Variants in GALNTL6 observed in about 807,000 individuals in gnomAD.
The protein encoded by GALNTL6 is polypeptide N-acetylgalactosaminyltransferase like 6.
A neutral mutation model predicts 73.7 loss-of-function variants in GALNTL6; 46 were observed. The observed-to-expected ratio is 0.62, with a 90% confidence interval of 0.49 to 0.80. GALNTL6 has a LOEUF of 0.80. Ranked by LOEUF, GALNTL6 falls within the 30% of genes least tolerant of loss-of-function variation. The pLI is 0.00. For missense variants in GALNTL6, 604 were observed against 755.0 expected, an observed-to-expected ratio of 0.80 and a Z score of 2.34; for synonymous variants, 259 against 263.7, an observed-to-expected ratio of 0.98 and a Z score of 0.17.
chr4:172,377,909 C>A (rs528210769), intron 5 of GALNTL6, among the ~76,000 whole-genome samples: 30 of 152,108 alleles, frequency 2.0e-4, no homozygotes, highest in South Asian at 1.5e-3. Flanking sequence ...GATCCCCCCC[C>A]CCATGCCTCT....
In GALNTL6 at chr4:172,926,208, G is replaced by A. The variant is rs534563911; in HGVS notation, c.1042-4953G>A. Among the ~76,000 whole-genome samples the A allele has an allele frequency of 2.0e-5, 3 of 152,184 alleles. No individual in the cohort carries two copies. In the South Asian group the frequency reaches 6.2e-4, roughly 32 times the overall value. On this transcript the variant is annotated intron_variant, in intron 8 of 12. Coordinates refer to ENST00000506823, the MANE Select transcript of GALNTL6 (RefSeq NM_001034845.3). ...TGGAAAGACCATGAGAGAGCTCTCT[G>A]GGGTCTCTTTTACTAGTTCACTAAT...
At chr4:172,099,265 T>C (rs1422032171) in intron 2 of GALNTL6, among the ~76,000 whole-genome samples, 1 of 152,104 alleles carries the variant, frequency 6.6e-6, no homozygotes, top group African/African-American at 2.4e-5. Flanking sequence ...GTCAGGGGAA[T>C]GGGTGAGGAG....
intron 2 of GALNTL6, among the ~76,000 whole-genome samples, chr4:171,839,391 T>C (rs1292599704): frequency 6.6e-6 from 1 of 152,152 alleles, no homozygotes; most frequent in Non-Finnish European, 1.5e-5. Context: ...GGACACTTTT[T>C]GGGATATCTG....
At chr4:172,951,176 C>T (rs988932965) in intron 9 of GALNTL6, among the ~76,000 whole-genome samples, 1 of 152,192 alleles carries the variant, frequency 6.6e-6, no homozygotes, top group Non-Finnish European at 1.5e-5. Context: ...TATTATGTGC[C>T]AGAGACTTAT....
chr4:172,045,542 A>G (rs1742190803), intron 2 of GALNTL6, among the ~76,000 whole-genome samples: 1 of 152,016 alleles, frequency 6.6e-6, no homozygotes, highest in Middle Eastern at 3.2e-3. Flanking sequence ...TCAACATAGT[A>G]TTAAATGCTT....
At chr4:172,710,939 C>T (rs1734666451) in intron 5 of GALNTL6, among the ~76,000 whole-genome samples, 1 of 152,034 alleles carries the variant, frequency 6.6e-6, no homozygotes, top group Admixed American at 6.6e-5. Context: ...CCATTGTATG[C>T]CAGGCACTCT....
intron 3 of GALNTL6, among the ~76,000 whole-genome samples, chr4:172,274,584 C>T (rs148031902): frequency 3.2e-4 from 49 of 152,228 alleles, no homozygotes; most frequent in African/African-American, 1.1e-3. Context: ...TCTATCTCCT[C>T]CAAGCCCTCA....
intron 7 of GALNTL6, among the ~76,000 whole-genome samples, chr4:172,815,595 GCAGTGGAGA>G (rs1371002319): frequency 6.6e-6 from 1 of 152,192 alleles, no homozygotes; most frequent in Non-Finnish European, 1.5e-5. Flanking sequence ...AGAGGAATCT[GCAGTGGAGA>G]CAGTTATAAA....
intron 8 of GALNTL6, among the ~76,000 whole-genome samples, chr4:172,907,504 T>C (rs1191891901): frequency 6.6e-6 from 1 of 152,222 alleles, no homozygotes; most frequent in Non-Finnish European, 1.5e-5. Context: ...TATCATCATC[T>C]CTACAGATAA....
chr4:171,824,834 A>C (rs1367297676), intron 2 of GALNTL6, among the ~76,000 whole-genome samples: 4 of 152,058 alleles, frequency 2.6e-5, no homozygotes, highest in Non-Finnish European at 4.4e-5. Context: ...TTCTTCTTTC[A>C]CTTTTTAAAT....
At chr4:171,871,468 A>G (rs1028799765) in intron 2 of GALNTL6, among the ~76,000 whole-genome samples, 2 of 152,102 alleles carry the variant, frequency 1.3e-5, no homozygotes, top group Non-Finnish European at 2.9e-5. Context: ...TCAATCTTCA[A>G]TCCTCAGTGC....
chr4:172,629,503 C>T (rs1265850407), intron 5 of GALNTL6, among the ~76,000 whole-genome samples: 1 of 152,056 alleles, frequency 6.6e-6, no homozygotes, highest in Non-Finnish European at 1.5e-5. Flanking sequence ...ACTTTACCCT[C>T]TATGTGACAA....
chr4:172,230,955 T>G (rs1378257888), intron 3 of GALNTL6, among the ~76,000 whole-genome samples: 1 of 152,102 alleles, frequency 6.6e-6, no homozygotes, highest in Non-Finnish European at 1.5e-5. Context: ...GCTGACTGAA[T>G]TACAGTCTTT....
At chr4:172,687,462 T>C (rs1732988449) in intron 5 of GALNTL6, among the ~76,000 whole-genome samples, 1 of 151,948 alleles carries the variant, frequency 6.6e-6, no homozygotes, top group African/African-American at 2.4e-5. Context: ...ACCCCGTCTC[T>C]ACTAAAAATG....
intron 5 of GALNTL6, among the ~76,000 whole-genome samples, chr4:172,395,114 A>C (rs1743801668): frequency 6.6e-6 from 1 of 152,194 alleles, no homozygotes; most frequent in Non-Finnish European, 1.5e-5. Context: ...CGCTAGCTTT[A>C]GAAGCATTCT....
chr4:172,342,259 A>AT (rs1369859384), intron 4 of GALNTL6, among the ~76,000 whole-genome samples: 3 of 151,866 alleles, frequency 2.0e-5, no homozygotes, highest in Non-Finnish European at 4.4e-5. Context: ...TATTTATATA[A>AT]TTTAATTAAT....
chr4:171,933,928 T>A (rs1351650695), intron 2 of GALNTL6, among the ~76,000 whole-genome samples: 1 of 152,188 alleles, frequency 6.6e-6, no homozygotes, highest in Non-Finnish European at 1.5e-5. Context: ...ATTTATAGAC[T>A]ATAGTTTTTT....
intron 5 of GALNTL6, among the ~76,000 whole-genome samples, chr4:172,744,409 A>C (rs1310227481): frequency 6.6e-6 from 1 of 152,104 alleles, no homozygotes; most frequent in South Asian, 2.1e-4. Flanking sequence ...GCAATGTTGC[A>C]GTTATTTTTC....
At chr4:172,409,281 TAAC>T (rs1744349455) in intron 5 of GALNTL6, among the ~76,000 whole-genome samples, 2 of 152,024 alleles carry the variant, frequency 1.3e-5, no homozygotes, top group Non-Finnish European at 2.9e-5. Flanking sequence ...ATGCTACTAG[TAAC>T]AACAATAATC....
Sources: allele counts gnomAD v4.1 joint callset (sites outside exome capture counted in the v4.1 genomes callset), GRCh38; gene constraint gnomAD v4.1.1; transcripts MANE v1.5; gene names NCBI Gene and HGNC (gene_info 2026-07-23, HGNC 2026-07-21).